The following CLEC16A variants were observed in gnomAD, a reference collection of about 807,000 sequenced individuals.
CLEC16A encodes C-type lectin domain containing 16A, also known as protein CLEC16A.
Under a neutral mutation model 109.5 loss-of-function variants are expected in CLEC16A, and 51 were observed. That is an observed-to-expected ratio of 0.47 (90% CI 0.37 to 0.59). The LOEUF (loss-of-function observed/expected upper bound fraction) is 0.59. CLEC16A is among the 20% of genes least tolerant of loss of function. The probability of loss-of-function intolerance (pLI) is 0.00; values close to 1 mark genes in which losing one functional copy is unlikely to be tolerated. For missense variants in CLEC16A, 1,339 were observed against 1,394.0 expected, an observed-to-expected ratio of 0.96 and a Z score of 0.63; for synonymous variants, 673 against 564.2, an observed-to-expected ratio of 1.19 and a Z score of -2.73.
chr16:10,988,225 G>T (rs571475091), intron 10 of CLEC16A, among the ~76,000 whole-genome samples: 1 of 152,128 alleles, frequency 6.6e-6, no homozygotes, highest in Admixed American at 6.5e-5. Context: ...TTTTTTAAAG[G>T]ACTTTTTTTT....
chr16:11,133,660 G>A (rs1406548162), intron 22 of CLEC16A, among the ~76,000 whole-genome samples: 1 of 152,046 alleles, frequency 6.6e-6, no homozygotes, highest in Non-Finnish European at 1.5e-5. Context: ...TGAGAATAAC[G>A]TCCTAGGTGC....
chr16:11,143,598 C>A (rs752405720), intron 22 of CLEC16A, among the ~76,000 whole-genome samples: 2 of 152,186 alleles, frequency 1.3e-5, no homozygotes, highest in East Asian at 3.8e-4. Context: ...CTGCATCTGC[C>A]GTCCAGCAGA....
At chr16:11,048,545 C>T (rs1262544248) in intron 17 of CLEC16A, 1 of 152,218 alleles carries the variant, frequency 6.6e-6, no homozygotes, top group Non-Finnish European at 1.5e-5. Context: ...CTAATTGGCT[C>T]CTTGGCTTCG....
chr16:11,059,795 G>A (rs34582516), intron 18 of CLEC16A, among the ~76,000 whole-genome samples: 21,896 of 152,182 alleles, frequency 0.14, 1,942 homozygotes, highest in South Asian at 0.29. Flanking sequence ...GCAGGCATGC[G>A]AGCTATCATG....
At chr16:10,949,421 G>A (rs565206834) in intron 1 of CLEC16A, among the ~76,000 whole-genome samples, 188 of 152,216 alleles carry the variant, frequency 1.2e-3, no homozygotes, top group Non-Finnish European at 2.3e-3. Flanking sequence ...GGGGTGAGTC[G>A]TTGTTACCAG....
At chr16:11,002,182 G>T (rs887459801) in intron 10 of CLEC16A, among the ~76,000 whole-genome samples, 1 of 152,152 alleles carries the variant, frequency 6.6e-6, no homozygotes, top group African/African-American at 2.4e-5. Flanking sequence ...CCTGTAAAAT[G>T]AGGATGACAC....
intron 19 of CLEC16A, among the ~76,000 whole-genome samples, chr16:11,100,627 A>ACAACCT (rs1295145690): frequency 1.3e-5 from 2 of 152,186 alleles, no homozygotes; most frequent in African/African-American, 4.8e-5. Flanking sequence ...CATTAGCAGC[A>ACAACCT]CAACCTCAAG....
chr16:11,137,204 T>C (rs1451458562), intron 22 of CLEC16A, among the ~76,000 whole-genome samples: 1 of 152,112 alleles, frequency 6.6e-6, no homozygotes, highest in Non-Finnish European at 1.5e-5. Context: ...TTTTCTTTGC[T>C]TCTGAATCAT....
intron 11 of CLEC16A, among the ~76,000 whole-genome samples, chr16:11,019,064 G>C (rs1316167117): frequency 2.6e-5 from 4 of 152,210 alleles, no homozygotes; most frequent in African/African-American, 9.6e-5. Flanking sequence ...CAGAGGCGGT[G>C]TCTGAGCCCA....
At chr16:11,082,879 C>T (rs1389826357) in intron 19 of CLEC16A, among the ~76,000 whole-genome samples, 1 of 152,196 alleles carries the variant, frequency 6.6e-6, no homozygotes, top group African/African-American at 2.4e-5. Context: ...GGGAGCCCAG[C>T]TGTGCATCAA....
At chr16:11,079,155 C>G (rs763717286) in intron 19 of CLEC16A, among the ~76,000 whole-genome samples, 1 of 152,180 alleles carries the variant, frequency 6.6e-6, no homozygotes, top group Non-Finnish European at 1.5e-5. Flanking sequence ...CTTGCATGGG[C>G]TAGGCAGGAG....
chr16:11,125,745 G>A (rs943846889), intron 21 of CLEC16A, among the ~76,000 whole-genome samples: 1 of 152,160 alleles, frequency 6.6e-6, no homozygotes, highest in Non-Finnish European at 1.5e-5. Context: ...TTTCTCCTTG[G>A]TCTCAACCTT....
chr16:10,995,477 C>T (rs16957890), intron 10 of CLEC16A, among the ~76,000 whole-genome samples: 1,815 of 152,308 alleles, frequency 0.012, 25 homozygotes, highest in African/African-American at 0.041. Context: ...GGCCAGCGAG[C>T]AGTAAGTTGC....
At chr16:11,095,468 G>A (rs1223295864) in intron 19 of CLEC16A, among the ~76,000 whole-genome samples, 1 of 152,192 alleles carries the variant, frequency 6.6e-6, no homozygotes, top group Non-Finnish European at 1.5e-5. Flanking sequence ...CAGAGTCCAG[G>A]CAGTCAGCAT....
intron 13 of CLEC16A, among the ~76,000 whole-genome samples, chr16:11,025,289 G>C (rs2046346162): frequency 6.6e-6 from 1 of 152,166 alleles, no homozygotes; most frequent in South Asian, 2.1e-4. Context: ...TGTAATCTTG[G>C]TTTTGCTATT....
intron 11 of CLEC16A, among the ~76,000 whole-genome samples, chr16:11,018,603 G>A (rs549367176): frequency 6.6e-5 from 10 of 152,214 alleles, no homozygotes; most frequent in African/African-American, 2.4e-4. Context: ...CAAAAGATTA[G>A]CTGGGTGTGG....
intron 19 of CLEC16A, among the ~76,000 whole-genome samples, chr16:11,109,169 C>CTTTTTTTT (rs35252592): frequency 7.5e-6 from 1 of 133,166 alleles, no homozygotes; most frequent in Non-Finnish European, 1.6e-5. Flanking sequence ...ACAGCCCTGA[C>CTTTTTTTT]TTTTTTTTTT....
chr16:11,018,748 C>CAAAAAAAAAAAAAAAAA (rs56911220), intron 11 of CLEC16A, among the ~76,000 whole-genome samples: 2 of 96,246 alleles, frequency 2.1e-5, no homozygotes, highest in African/African-American at 8.8e-5. Flanking sequence ...GACTCCATCT[C>CAAAAAAAAAAAAAAAAA]AAAAAAAAAA....
intron 19 of CLEC16A, among the ~76,000 whole-genome samples, chr16:11,104,076 G>A (rs1235723200): frequency 6.6e-6 from 1 of 152,208 alleles, no homozygotes; most frequent in African/African-American, 2.4e-5. Flanking sequence ...TTCTCTAGCA[G>A]TGTTAGTAAT....
Sources: allele counts gnomAD v4.1 joint callset (sites outside exome capture counted in the v4.1 genomes callset), GRCh38; gene constraint gnomAD v4.1.1; transcripts MANE v1.5; gene names NCBI Gene and HGNC (gene_info 2026-07-23, HGNC 2026-07-21).